Variants in P4HA2 observed in about 807,000 individuals in gnomAD.
P4HA2 encodes the protein prolyl 4-hydroxylase subunit alpha 2, also known as prolyl 4-hydroxylase subunit alpha-2.
P4HA2 carries 46 observed loss-of-function variants against 76.9 expected under a neutral mutation model. That is an observed-to-expected ratio of 0.60 (90% confidence interval 0.47 to 0.76). The LOEUF is 0.76. Ranked by LOEUF, P4HA2 falls within the 30% of genes least tolerant of loss-of-function variation. The pLI, the probability that P4HA2 is intolerant of heterozygous loss-of-function variation, is 0.00. For missense variants in P4HA2, 583 were observed against 669.4 expected, an observed-to-expected ratio of 0.87 and a Z score of 1.42; for synonymous variants, 243 against 254.0, an observed-to-expected ratio of 0.96 and a Z score of 0.41.
intron 7 of P4HA2, 82 bp downstream of exon 7, chr5:132,209,056 G>A: frequency 9.9e-7 from 1 of 1,010,488 alleles, no homozygotes; most frequent in East Asian, 2.4e-5. Flanking sequence ...ACAGAATAAA[G>A]AACACCTTCC....
Position 132,204,095 on chromosome 5 carries a change from G to T in P4HA2, c.1138C>A (p.Arg380=). 1 of 1,613,688 alleles carries T rather than the reference G, an allele frequency of 6.2e-7. No homozygotes were observed. The highest frequency in any genetic ancestry group is 8.5e-7 in the Non-Finnish European group (1 of 1,179,548). The change falls in exon 9 of 15, where the codon CGG becomes AGG. Residue 380 remains arginine, a synonymous_variant. Coordinates refer to ENST00000360568, the MANE Select transcript of P4HA2 (RefSeq NM_001017974.2). Reference sequence around the variant, plus strand: ...CTCTTTGCTTACCTTTTGGAAACCCGGTAGCTGGCGACAGTGAGGACTCCT... The same window carrying T: ...CTCTTTGCTTACCTTTTGGAAACCCTGTAGCTGGCGACAGTGAGGACTCCT... The part of the protein sequence containing the change: ...KTGVLTVASY[R]VSKSSWLEED...
chr5:132,193,366 C>A (rs1750135357), intron 14 of P4HA2: 1 of 241,920 alleles, frequency 4.1e-6, no homozygotes, highest in African/African-American at 2.2e-5. Flanking sequence ...ACCTTTGATG[C>A]CCTTTGGCTC....
intron 1 of P4HA2, among the ~76,000 whole-genome samples, chr5:132,225,870 A>T (rs1002445183): frequency 3.9e-5 from 6 of 152,214 alleles, no homozygotes; most frequent in African/African-American, 1.4e-4. Flanking sequence ...GAGCTCTCAG[A>T]GAACTAGGGT....
At chr5:132,209,831 A>G (rs570570920) in intron 6 of P4HA2, among the ~76,000 whole-genome samples, 11 of 151,010 alleles carry the variant, frequency 7.3e-5, no homozygotes, top group African/African-American at 2.7e-4. Context: ...GGCCTTCTTC[A>G]GTCCAACAGC....
chr5:132,193,308 A>C, intron 14 of P4HA2: 1 of 419,920 alleles, frequency 2.4e-6, no homozygotes, highest in South Asian at 3.9e-5. Flanking sequence ...GCAGGTTGCC[A>C]TGGGAATAGC....
chr5:132,207,622 G>A (rs1041937224), intron 8 of P4HA2, 86 bp downstream of exon 8: 6 of 1,196,110 alleles, frequency 5.0e-6, no homozygotes, highest in African/African-American at 3.0e-5. Context: ...TGGCTAGATG[G>A]GCAAACCAAC....
At chr5:132,203,258 T>G (rs549316011) in intron 10 of P4HA2, 1 of 158,500 alleles carries the variant, frequency 6.3e-6, no homozygotes, top group South Asian at 1.9e-4. Context: ...CTTTGAATTC[T>G]CAACTGACCC....
chr5:132,216,905 T>G (rs1753967579), intron 4 of P4HA2, among the ~76,000 whole-genome samples: 1 of 152,144 alleles, frequency 6.6e-6, no homozygotes. Flanking sequence ...TCTATAAACA[T>G]GTATCACTAA....
chr5:132,201,309 C>T (rs1751442887), intron 10 of P4HA2: 1 of 152,224 alleles, frequency 6.6e-6, no homozygotes, highest in South Asian at 2.1e-4. Flanking sequence ...CAGAAAGCCT[C>T]AATTACCTTT....
Position 132,198,950 on chromosome 5 carries a change from A to G in P4HA2, c.1252-18T>C. 1 of 1,581,756 alleles carries G rather than the reference A, an allele frequency of 6.3e-7. No homozygotes were observed. Among genetic ancestry groups the G allele is most frequent in the Non-Finnish European group, 8.7e-7 (1 of 1,150,594 alleles). Reference sequence around the variant, plus strand: ...TTTGCAACCTGTGGGAAATAACAGCATTAGACCTTGTAAGCAGCATGAACA... The same window carrying G: ...TTTGCAACCTGTGGGAAATAACAGCGTTAGACCTTGTAAGCAGCATGAACA... On this transcript the variant is annotated intron_variant, in intron 10 of 14. Transcript: ENST00000360568.
intron 10 of P4HA2, chr5:132,202,368 T>C (rs1285525055): frequency 6.6e-6 from 1 of 152,232 alleles, no homozygotes; most frequent in Non-Finnish European, 1.5e-5. Flanking sequence ...AAAAGAAGGC[T>C]GATTTGCTTA....
intron 1 of P4HA2, 166 bp from the exon 2 acceptor site, chr5:132,218,810 C>T (rs182048065): frequency 5.8e-5 from 32 of 551,468 alleles, no homozygotes; most frequent in Middle Eastern, 5.0e-4. Context: ...GAACAAAGAG[C>T]GTGCAGCCAG....
At chr5:132,198,128 C>T in intron 12 of P4HA2, 193 bp downstream of exon 12, 2 of 1,597,202 alleles carry the variant, frequency 1.3e-6, no homozygotes, top group East Asian at 4.6e-5. Context: ...ATGAGATCAG[C>T]CCTGATGGGG....
At position 132,191,554 on chromosome 5, in the gene P4HA2, T is replaced by TG. The variant is rs58638873; in HGVS notation, c.*1455dup. Reference sequence around the variant, plus strand: ...AAAAGATTTCAACATATGAATCTGGTGGGGGGACACAAACATTTAGTCCGT... The same window carrying TG: ...AAAAGATTTCAACATATGAATCTGGTGGGGGGGACACAAACATTTAGTCCGT... On this transcript the variant is annotated 3_prime_UTR_variant, in exon 15 of 15. Coordinates refer to ENST00000360568, the MANE Select transcript of P4HA2 (RefSeq NM_001017974.2). Among the ~76,000 whole-genome samples, 33,599 of 145,768 alleles carry TG rather than the reference T, an allele frequency of 0.23. 4,132 individuals are homozygous for TG. Among genetic ancestry groups the TG allele is most frequent in the African/African-American group, 0.33 (13,086 of 39,358 alleles).
At chr5:132,218,464 A>C in intron 2 of P4HA2, 81 bp downstream of exon 2, 1 of 981,898 alleles carries the variant, frequency 1.0e-6, no homozygotes, top group South Asian at 1.4e-5. Flanking sequence ...TCCCACTCTA[A>C]ATGAGAACAG....
intron 2 of P4HA2, 25 bp from the exon 3 acceptor site, chr5:132,217,873 C>T (rs772837145): frequency 7.1e-7 from 1 of 1,398,904 alleles, no homozygotes; most frequent in Non-Finnish European, 1.0e-6. Flanking sequence ...AGAAAGACAC[C>T]AGTGAGAAAC....
At chr5:132,198,849 C>T (rs199671171) in intron 11 of P4HA2, 30 bp downstream of exon 11, 197 of 1,545,400 alleles carry the variant, frequency 1.3e-4, no homozygotes, top group Non-Finnish European at 1.7e-4. Flanking sequence ...GAGCAGGGCC[C>T]TTTGAAAGCA....
chr5:132,209,273 T>C lies in P4HA2; in HGVS notation c.768A>G (p.Glu256=), dbSNP rs1752700610. ...NLRYFEQLLE[E]EREKTLTNQT... ...GATTTGTTAACGTTTTTTCTCTCTC[T>C]TCCTCCAATAACTGCTCAAAGTACC... is the stretch of plus-strand genomic sequence containing the variant. Residue 256 remains glutamate, a synonymous_variant, in exon 7 of 15, where the codon GAA becomes GAG. Transcript: ENST00000360568. 2 of 1,614,174 alleles carry C rather than the reference T, an allele frequency of 1.2e-6. No individual in the cohort carries two copies. Among genetic ancestry groups the C allele is most frequent in the East Asian group, 4.5e-5 (2 of 44,884 alleles).
At chr5:132,227,540 T>A (rs1055837710) in intron 1 of P4HA2, 1 of 152,262 alleles carries the variant, frequency 6.6e-6, no homozygotes, top group Non-Finnish European at 1.5e-5. Context: ...GCCGCTGACC[T>A]CACCACCCTG....
Sources: gnomAD v4.1 joint callset for allele counts (sites outside exome capture counted in the v4.1 genomes callset) on GRCh38, gnomAD v4.1.1 for gene constraint, MANE v1.5 for transcripts, NCBI Gene and HGNC (gene_info 2026-07-23, HGNC 2026-07-21) for gene names.